METRN: variants seen among roughly 807,000 people sequenced by gnomAD.
METRN encodes meteorin, glial cell differentiation regulator, also known as meteorin.
In METRN, 17 loss-of-function variants were observed where a neutral mutation model predicts 17.4. The ratio of observed to expected loss-of-function variants is 0.98; its 90% CI spans 0.67 to 1.46. The LOEUF is 1.46. METRN is among the 40% of genes most tolerant of loss of function. The probability of loss-of-function intolerance (pLI) is 0.00; values close to 1 mark genes in which losing one functional copy is unlikely to be tolerated. For missense variants in METRN, 489 were observed against 456.2 expected, an observed-to-expected ratio of 1.07 and a Z score of -0.65; for synonymous variants, 230 against 210.8, an observed-to-expected ratio of 1.09 and a Z score of -0.79.
chr16:716,782 C>T lies in METRN; in HGVS notation c.506-151C>T, dbSNP rs1383996515. 8 of 1,525,492 alleles carry T rather than the reference C, an allele frequency of 5.2e-6. No homozygotes were observed. The African/African-American group carries it at 1.1e-4, about 21-fold the overall frequency. 94.5% of individuals were successfully genotyped at this position (1,525,492 alleles called of 1,614,324 possible). ...GAGGGCGTGCACATCTGCTGTGTAGCTCTCTGGGACCCCCAGGTGCCATCA... is the reference window on the plus strand; with the variant it reads ...GAGGGCGTGCACATCTGCTGTGTAGTTCTCTGGGACCCCCAGGTGCCATCA... On this transcript the variant is annotated intron_variant, in intron 2 of 3. Transcript: ENST00000568223.
In METRN at chr16:715,830, C is replaced by T; in HGVS notation, c.351C>T (p.Arg117=). 1 of 1,297,780 alleles carries T rather than the reference C, an allele frequency of 7.7e-7. No individual in the cohort carries two copies. The highest frequency in any genetic ancestry group is 9.7e-7 in the Non-Finnish European group (1 of 1,026,070). The allele number at this position is 1,297,780 out of a possible 1,614,324, so 80.4% of individuals were successfully genotyped here. A position where few individuals can be genotyped will look rare whatever the true frequency, so the allele number is the denominator to read the frequency against. The change falls in exon 2 of 4, where the codon CGC becomes CGT. Residue 117 remains arginine, a synonymous_variant. Transcript: ENST00000568223. ...AGGGCCCGGGCCCGGCAGGGGGCCG[C>T]TGCGTGCGCTGGGGTCCCCGCGAGC... ...LAEGPGPAGG[R]CVRWGPRERR...
At position 715,779 on chromosome 16, in the gene METRN, G is replaced by C; in HGVS notation, c.300G>C (p.Gly100=). 1.6e-6 allele frequency: 2 copies of C among 1,260,598 alleles called. No individual in the cohort carries two copies. Among genetic ancestry groups the C allele is most frequent in the Non-Finnish European group, 2.0e-6 (2 of 1,006,140 alleles). 78.1% of individuals were successfully genotyped at this position (1,260,598 alleles called of 1,614,324 possible). Residue 100 remains glycine (G), a synonymous_variant, in exon 2 of 4, where the codon GGG becomes GGC. Coordinates refer to ENST00000568223, the MANE Select transcript of METRN (RefSeq NM_024042.4). Reference sequence around the variant, plus strand: ...CCCAGGTCTTCGCGGAGCGCGCAGGGGGCGCCCTGGAGCTGCTGCTGGCCG... The same window carrying C: ...CCCAGGTCTTCGCGGAGCGCGCAGGCGGCGCCCTGGAGCTGCTGCTGGCCG... The part of the protein sequence containing the change: ...AGAQVFAERA[G]GALELLLAEG...
In METRN at chr16:715,965, C is replaced by A; in HGVS notation, c.486C>A (p.Ala162=). The part of the protein sequence containing the change: ...EDGRPELPPQ[A]HGLGVDGACR... ...GGCGCCCCGAGCTGCCCCCGCAGGC[C>A]CACGGTCTCGGCGTAGACGGTGAGT... Residue 162 remains alanine, a synonymous_variant, in exon 2 of 4, where the codon GCC becomes GCA. Transcript: ENST00000568223. 6.7e-7 allele frequency: 1 copy of A among 1,498,232 alleles called. No individual in the cohort carries two copies. Among genetic ancestry groups the A allele is most frequent in the South Asian group, 1.2e-5 (1 of 81,226 alleles). 92.8% of individuals were successfully genotyped at this position (1,498,232 alleles called of 1,614,324 possible). A position where few individuals can be genotyped will look rare whatever the true frequency, so the allele number is the denominator to read the frequency against.
In METRN at chr16:717,131, C is replaced by G. The variant is rs1449605272; in HGVS notation, c.626C>G (p.Thr209Ser). 2.5e-6 allele frequency: 4 copies of G among 1,602,394 alleles called. No individual in the cohort carries two copies. The East Asian group carries it at 9.0e-5, about 36-fold the overall frequency. Residue 209 changes from threonine (T) to serine (S), a missense_variant, in exon 4 of 4, where the codon ACT (threonine) becomes AGT (serine). Transcript: ENST00000568223. ...GTGGAGCTGCAGGAGTCTGTCATCA[C>G]TGTGGTGGCCGCCCGTGTCCTCCGC... ...HDVELQESVI[T>S]VVAARVLRQT...
At chr16:716,874 G>C (rs753347790) in intron 2 of METRN, 59 bp from the exon 3 acceptor site, 8 of 1,503,586 alleles carry the variant, frequency 5.3e-6, no homozygotes, top group Non-Finnish European at 6.2e-6. Flanking sequence ...AAGGGACGGG[G>C]CCTGGGGTGA....
Position 715,751 on chromosome 16 carries a change from G to T in METRN, c.272G>T (p.Gly91Val). The T allele has an allele frequency of 7.8e-7, 1 of 1,287,670 alleles. No homozygotes were observed. Among genetic ancestry groups the T allele is most frequent in the Non-Finnish European group, 9.8e-7 (1 of 1,021,806 alleles). The allele number at this position is 1,287,670 out of a possible 1,614,324, so 79.8% of individuals were successfully genotyped here. Residue 91 changes from glycine (G) to valine (V), a missense_variant, in exon 2 of 4, where the codon GGC becomes GTC. Gly to Val is a moderately radical substitution (Grantham distance 109). Transcript: ENST00000568223. Reference sequence around the variant, plus strand: ...CTGCGGCCGGTGCGGCCCTTCGCGGGCGCCCAGGTCTTCGCGGAGCGCGCA... The same window carrying T: ...CTGCGGCCGGTGCGGCCCTTCGCGGTCGCCCAGGTCTTCGCGGAGCGCGCA... ...ACLRPVRPFA[G>V]AQVFAERAGG...
Position 715,983 on chromosome 16 carries a change from C to A in METRN, c.504C>A (p.Asp168Glu). The change falls in exon 2 of 4, where the codon GAC (aspartate) becomes GAA (glutamate). Residue 168 changes from aspartate to glutamate, a missense_variant and splice_region_variant. Transcript: ENST00000568223. Reference sequence around the variant, plus strand: ...CGCAGGCCCACGGTCTCGGCGTAGACGGTGAGTGGCGGTCTGGTTGGGACA... The same window carrying A: ...CGCAGGCCCACGGTCTCGGCGTAGAAGGTGAGTGGCGGTCTGGTTGGGACA... ...LPPQAHGLGV[D>E]GACRPCSDAE... 1 of 1,375,378 alleles carries A rather than the reference C, an allele frequency of 7.3e-7. No individual in the cohort carries two copies. The highest frequency in any genetic ancestry group is 9.4e-7 in the Non-Finnish European group (1 of 1,059,772). 85.2% of individuals were successfully genotyped at this position (1,375,378 alleles called of 1,614,324 possible). A position where few individuals can be genotyped will look rare whatever the true frequency, so the allele number is the denominator to read the frequency against.
At chr16:716,818 G>T in intron 2 of METRN, 115 bp from the exon 3 acceptor site, 2 of 1,503,698 alleles carry the variant, frequency 1.3e-6, no homozygotes, top group South Asian at 1.2e-5. Flanking sequence ...GGCCCTGAGC[G>T]TGGGCTCTGC....
chr16:716,847 C>T, intron 2 of METRN, 86 bp from the exon 3 acceptor site: 1 of 1,495,012 alleles, frequency 6.7e-7, no homozygotes, highest in Non-Finnish European at 9.0e-7. Context: ...CTGCTGCCTC[C>T]TGCCGCTTGT....
chr16:715,354 G>A lies in METRN; in HGVS notation c.65G>A (p.Arg22His), dbSNP rs181377829. 2,909 of 1,339,602 alleles carry A rather than the reference G, an allele frequency of 2.2e-3. 47 individuals carry two copies. The African/African-American group carries it at 0.038, about 18-fold the overall frequency. The allele number at this position is 1,339,602 out of a possible 1,614,324, so 83.0% of individuals were successfully genotyped here. A position where few individuals can be genotyped will look rare whatever the true frequency, so the allele number is the denominator to read the frequency against. Residue 22 changes from arginine (R) to histidine (H), a missense_variant, in exon 1 of 4, where the codon CGC (arginine) becomes CAC (histidine). By Grantham distance (29) the Arg-to-His change is conservative. Transcript: ENST00000568223. ...LCCGLLAPAA[R>H]AGYSEERCSW... is the part of the protein sequence containing the mutation. ...TGCGGCCTCCTGGCCCCGGCTGCCC[G>A]CGCCGGCTACTCCGAGGAGCGCTGC...
chr16:715,296 T>C lies in METRN; in HGVS notation c.7T>C (p.Phe3Leu). ...GGACGCCGCCCGCCGTGCCATGGGG[T>C]TCCCGGCCGCGGCGCTGCTCTGCGC... MG[F>L]PAAALLCALC... Residue 3 changes from phenylalanine to leucine, a missense_variant, in exon 1 of 4, where the codon TTC (phenylalanine) becomes CTC (leucine). Physicochemically the swap from Phe to Leu is conservative, Grantham distance 22 (BLOSUM62 0). Transcript: ENST00000568223. 2 of 1,331,360 alleles carry C rather than the reference T, an allele frequency of 1.5e-6. No homozygotes were observed. The highest frequency in any genetic ancestry group is 1.9e-6 in the Non-Finnish European group (2 of 1,038,774). 82.5% of individuals were successfully genotyped at this position (1,331,360 alleles called of 1,614,324 possible). A position where few individuals can be genotyped will look rare whatever the true frequency, so the allele number is the denominator to read the frequency against.
chr16:715,463 T>A lies in METRN; in HGVS notation c.104+70T>A, dbSNP rs142263786. 11,113 of 1,256,278 alleles carry A rather than the reference T, an allele frequency of 8.8e-3. 244 individuals carry two copies. Among genetic ancestry groups the A allele is most frequent in the South Asian group, 0.058 (2,234 of 38,788 alleles). 77.8% of individuals were successfully genotyped at this position (1,256,278 alleles called of 1,614,324 possible). A position where few individuals can be genotyped will look rare whatever the true frequency, so the allele number is the denominator to read the frequency against. On this transcript the variant is annotated intron_variant, in intron 1 of 3. Transcript: ENST00000568223. Reference sequence around the variant, plus strand: ...GCGGCTAGGACCCCCCAGGCGCCCCTCGGAGCGCGCAGAGCGCTGGGCCGG... The same window carrying A: ...GCGGCTAGGACCCCCCAGGCGCCCCACGGAGCGCGCAGAGCGCTGGGCCGG...
At chr16:715,501 C>G in intron 1 of METRN, 83 bp from the exon 2 acceptor site, 1 of 1,266,628 alleles carries the variant, frequency 7.9e-7, no homozygotes, top group Non-Finnish European at 1.0e-6. Context: ...TCCCCATCCG[C>G]GAGGCGGCCT....
chr16:716,617 G>C, intron 2 of METRN: 4 of 1,535,360 alleles, frequency 2.6e-6, no homozygotes, highest in Non-Finnish European at 3.5e-6. Flanking sequence ...CAGATGCTGG[G>C]GTGCATATGT....
chr16:715,723 T>A lies in METRN; in HGVS notation c.244T>A (p.Cys82Ser). Residue 82 changes from cysteine (C) to serine (S), a missense_variant, in exon 2 of 4, where the codon TGT becomes AGT. By Grantham distance (112) the Cys-to-Ser change is moderately radical. Coordinates refer to ENST00000568223, the MANE Select transcript of METRN (RefSeq NM_024042.4). Reference protein sequence around the residue: ...PDPRARPGIACLRPVRPFAGA... With the variant: ...PDPRARPGIASLRPVRPFAGA... The stretch of plus-strand genomic sequence containing the variant: ...TCCCAGAGCGCGGCCCGGCATCGCC[T>A]GTCTGCGGCCGGTGCGGCCCTTCGC... The A allele has an allele frequency of 7.4e-7, 1 of 1,356,054 alleles. No individual in the cohort carries two copies. The highest frequency in any genetic ancestry group is 1.7e-5 in the South Asian group (1 of 57,758). The allele number at this position is 1,356,054 out of a possible 1,614,324, so 84.0% of individuals were successfully genotyped here. A position where few individuals can be genotyped will look rare whatever the true frequency, so the allele number is the denominator to read the frequency against.
intron 2 of METRN, chr16:716,580 C>G: frequency 6.5e-7 from 1 of 1,535,288 alleles, no homozygotes; most frequent in Non-Finnish European, 8.7e-7. Flanking sequence ...CTCTTCAGAC[C>G]TCAGATCCGG....
Position 715,868 on chromosome 16 carries a change from T to G in METRN, c.389T>G (p.Phe130Cys). The G allele has an allele frequency of 7.2e-7, 1 of 1,382,974 alleles. No homozygotes were observed. The highest frequency in any genetic ancestry group is 9.3e-7 in the Non-Finnish European group (1 of 1,072,960). 85.7% of individuals were successfully genotyped at this position (1,382,974 alleles called of 1,614,324 possible). ...RWGPRERRALFLQATPHQDIS... is the reference protein window; with the variant it reads ...RWGPRERRALCLQATPHQDIS... The stretch of plus-strand genomic sequence containing the variant: ...GGTCCCCGCGAGCGCCGGGCCCTCT[T>G]CCTGCAGGCCACGCCGCACCAGGAC... Residue 130 changes from phenylalanine to cysteine, a missense_variant, in exon 2 of 4, where the codon TTC becomes TGC. By Grantham distance (205) the Phe-to-Cys change is radical. Transcript: ENST00000568223.
Position 715,262 on chromosome 16 carries a change from C to A in METRN, c.-28C>A. The A allele has an allele frequency of 8.0e-7, 1 of 1,253,388 alleles. No homozygotes were observed. Among genetic ancestry groups the A allele is most frequent in the South Asian group, 2.1e-5 (1 of 47,214 alleles). The allele number at this position is 1,253,388 out of a possible 1,614,324, so 77.6% of individuals were successfully genotyped here. A position where few individuals can be genotyped will look rare whatever the true frequency, so the allele number is the denominator to read the frequency against. ...GCCGGGGCAGCGGTGGTGAGAGCCC[C>A]GACTCCCCGGACGCCGCCCGCCGTG... On this transcript the variant is annotated 5_prime_UTR_variant, in exon 1 of 4. Transcript: ENST00000568223.
At position 717,656 on chromosome 16, in the gene METRN, C is replaced by G. The variant is rs1295130695; in HGVS notation, c.*269C>G. The G allele has an allele frequency of 2.6e-6, 1 of 385,714 alleles. No individual in the cohort carries two copies. Among genetic ancestry groups the G allele is most frequent in the African/African-American group, 2.1e-5 (1 of 48,174 alleles). The allele number at this position is 385,714 out of a possible 1,614,324, so 23.9% of individuals were successfully genotyped here. A position where few individuals can be genotyped will look rare whatever the true frequency, so the allele number is the denominator to read the frequency against. On this transcript the variant is annotated 3_prime_UTR_variant, in exon 4 of 4. Coordinates refer to ENST00000568223, the MANE Select transcript of METRN (RefSeq NM_024042.4). ...CAGATGTCAGGAGGAGCTACACCCA[C>G]ATTCCGGGGAGGGGCCGCTGCTGGG... is the stretch of plus-strand genomic sequence containing the variant.
Sources: allele counts gnomAD v4.1 joint callset, GRCh38; gene constraint gnomAD v4.1.1; transcripts MANE v1.5; gene names NCBI Gene and HGNC (gene_info 2026-07-23, HGNC 2026-07-21).